The following PSEN2 variants were observed in gnomAD, a reference collection of about 807,000 sequenced individuals.
The protein encoded by PSEN2 is presenilin 2, also known as presenilin-2.
In PSEN2, 32 loss-of-function variants were observed where a neutral mutation model predicts 49.1. The observed-to-expected ratio is 0.65, with a 90% confidence interval of 0.49 to 0.88. PSEN2 has a LOEUF of 0.88. Ranked by LOEUF, PSEN2 falls within the 40% of genes least tolerant of loss-of-function variation. PSEN2 has a pLI of 0.00. For missense variants in PSEN2, 522 were observed against 586.9 expected (o/e 0.89, Z 1.14); for synonymous variants, 255 against 244.0 (o/e 1.05, Z -0.42).
At chr1:226,893,921 A>AAGAGCG (rs1661926832) in intron 11 of PSEN2, 86 bp from the exon 12 acceptor site, 6 of 1,200,332 alleles carry the variant, frequency 5.0e-6, no homozygotes, top group Admixed American at 1.7e-5. Flanking sequence ...GGGCAAGAGC[A>AAGAGCG]GCTGGGCCTT....
chr1:226,891,863 C>T lies in PSEN2; in HGVS notation c.1072+19C>T. The T allele has an allele frequency of 6.2e-7, 1 of 1,604,670 alleles. No homozygotes were observed. Among genetic ancestry groups the T allele is most frequent in the Non-Finnish European group, 8.5e-7 (1 of 1,171,468 alleles). On this transcript the variant is annotated intron_variant, in intron 11 of 12. Coordinates refer to ENST00000366783, the MANE Select transcript of PSEN2 (RefSeq NM_000447.3). Reference sequence around the variant, plus strand: ...GAGGAAAGTAAGGTGCCCATGTTCACACGGCCTGCTTCAGCCTACGGCGGG... The same window carrying T: ...GAGGAAAGTAAGGTGCCCATGTTCATACGGCCTGCTTCAGCCTACGGCGGG...
At chr1:226,896,805 G>C (rs1227378013), downstream of PSEN2, among the ~76,000 whole-genome samples, 14 of 152,248 alleles carry the variant, frequency 9.2e-5, no homozygotes, top group African/African-American at 3.4e-4. Flanking sequence ...AGGCTGCAAT[G>C]AGCCGAGATC....
intron 4 of PSEN2, among the ~76,000 whole-genome samples, chr1:226,882,688 T>C (rs1156785672): frequency 6.6e-6 from 1 of 152,170 alleles, no homozygotes; most frequent in Non-Finnish European, 1.5e-5. Flanking sequence ...TTGCAGCCAG[T>C]CTTAATCCTG....
chr1:226,876,531 T>A (rs920857734), intron 3 of PSEN2, among the ~76,000 whole-genome samples: 6 of 152,208 alleles, frequency 3.9e-5, no homozygotes, highest in African/African-American at 1.4e-4. Flanking sequence ...GTGTTTATTA[T>A]GGCGACTTAG....
At chr1:226,897,222 T>C (rs1036277761), downstream of PSEN2, among the ~76,000 whole-genome samples, 3 of 152,194 alleles carry the variant, frequency 2.0e-5, no homozygotes, top group African/African-American at 7.2e-5. Flanking sequence ...GAAAAGCTTA[T>C]TCAATTTGGC....
chr1:226,889,707 A>G (rs1389022829), intron 8 of PSEN2, among the ~76,000 whole-genome samples: 1 of 152,256 alleles, frequency 6.6e-6, no homozygotes, highest in Non-Finnish European at 1.5e-5. Context: ...GTTAGCTGCT[A>G]TTTGATATTA....
At chr1:226,876,672 C>G (rs1466017371) in intron 3 of PSEN2, among the ~76,000 whole-genome samples, 1 of 152,144 alleles carries the variant, frequency 6.6e-6, no homozygotes, top group Non-Finnish European at 1.5e-5. Context: ...TTCAGATGAT[C>G]AGGTTCGTAA....
intron 11 of PSEN2, 87 bp from the exon 12 acceptor site, chr1:226,893,920 C>T (rs984596540): frequency 1.9e-5 from 22 of 1,188,572 alleles, no homozygotes; most frequent in Admixed American, 1.0e-4. Context: ...TGGGCAAGAG[C>T]AGCTGGGCCT....
intron 4 of PSEN2, 66 bp from the exon 5 acceptor site, chr1:226,883,639 C>T (rs1457343293): frequency 1.7e-5 from 25 of 1,472,754 alleles, no homozygotes; most frequent in Non-Finnish European, 2.2e-5. Context: ...TCCAAAAATC[C>T]GTGCATTACA....
At chr1:226,880,733 G>A in intron 3 of PSEN2, 2 of 1,609,964 alleles carry the variant, frequency 1.2e-6, no homozygotes, top group African/African-American at 1.4e-5. Flanking sequence ...TGGTACACTG[G>A]GTCCCCCACT....
chr1:226,886,528 T>C (rs1661375263), intron 6 of PSEN2, among the ~76,000 whole-genome samples: 2 of 152,204 alleles, frequency 1.3e-5, no homozygotes, highest in Admixed American at 1.3e-4. Flanking sequence ...GGCTTCAGGC[T>C]TTTCTCCCAG....
intron 3 of PSEN2, chr1:226,880,420 A>T: frequency 9.2e-7 from 1 of 1,081,408 alleles, no homozygotes; most frequent in Non-Finnish European, 1.3e-6. Flanking sequence ...GGGGTGACTT[A>T]CTTGGAGACG....
At chr1:226,876,107 C>G (rs531892696) in intron 3 of PSEN2, among the ~76,000 whole-genome samples, 1 of 152,140 alleles carries the variant, frequency 6.6e-6, no homozygotes, top group Non-Finnish European at 1.5e-5. Context: ...CCCACCTGCC[C>G]GTGAGTCAGC....
intron 3 of PSEN2, among the ~76,000 whole-genome samples, chr1:226,879,933 C>T (rs1055653671): frequency 6.6e-6 from 1 of 152,194 alleles, no homozygotes; most frequent in Non-Finnish European, 1.5e-5. Flanking sequence ...GCCTGTGCCT[C>T]TTATTTGGGG....
At chr1:226,893,278 A>G (rs533598396) in intron 11 of PSEN2, among the ~76,000 whole-genome samples, 3 of 152,338 alleles carry the variant, frequency 2.0e-5, no homozygotes, top group Non-Finnish European at 4.4e-5. Flanking sequence ...AGCCAAATGA[A>G]GAGACAGTGA....
chr1:226,879,870 G>A (rs554971982), intron 3 of PSEN2, among the ~76,000 whole-genome samples: 2 of 152,304 alleles, frequency 1.3e-5, no homozygotes, highest in East Asian at 3.9e-4. Flanking sequence ...TGCAGGCTGG[G>A]GAGTTTGTTC....
intron 2 of PSEN2, among the ~76,000 whole-genome samples, chr1:226,872,793 G>A (rs539288524): frequency 3.3e-4 from 50 of 152,302 alleles, no homozygotes; most frequent in African/African-American, 1.1e-3. Context: ...GCGGAAAGGC[G>A]GGGGTGAGGC....
At chr1:226,899,206 T>G (rs1662238656), downstream of PSEN2, 1 of 152,236 alleles carries the variant, frequency 6.6e-6, no homozygotes, top group South Asian at 2.1e-4. Context: ...TTCCCTACCC[T>G]CAAGGTTTTC....
rs199968912 is a variant in PSEN2 at position 226,883,769 on chromosome 1, C to G, written c.206C>G (p.Pro69Arg). Reference sequence around the variant, plus strand: ...GACCGCTATGTCTGTAGTGGGGTTCCCGGGCGGCCGCCAGGCCTGGAGGAA... The same window carrying G: ...GACCGCTATGTCTGTAGTGGGGTTCGCGGGCGGCCGCCAGGCCTGGAGGAA... ...DPDRYVCSGV[P>R]GRPPGLEEEL... The change falls in exon 5 of 13, where the codon CCC (proline) becomes CGC (arginine). Residue 69 changes from proline to arginine, a missense_variant. By Grantham distance (103) the Pro-to-Arg change is moderately radical. Coordinates refer to ENST00000366783, the MANE Select transcript of PSEN2 (RefSeq NM_000447.3). 9.9e-6 allele frequency: 16 copies of G among 1,614,140 alleles called. No individual in the cohort carries two copies. The highest frequency in any genetic ancestry group is 1.3e-5 in the African/African-American group (1 of 75,034).
Sources: gnomAD v4.1 joint callset for allele counts (sites outside exome capture counted in the v4.1 genomes callset) on GRCh38, gnomAD v4.1.1 for gene constraint, MANE v1.5 for transcripts, NCBI Gene and HGNC (gene_info 2026-07-23, HGNC 2026-07-21) for gene names.